AGO2: variants seen among roughly 807,000 people sequenced by gnomAD.
AGO2 encodes argonaute RISC catalytic component 2.
In AGO2, 5 loss-of-function variants were observed where a neutral mutation model predicts 102.3. That is an observed-to-expected ratio of 0.05 (90% CI 0.03 to 0.10). The LOEUF (loss-of-function observed/expected upper bound fraction) is 0.10. Among genes scored for constraint, AGO2 ranks in the 10% least tolerant of loss-of-function variants. The probability of loss-of-function intolerance (pLI) is 1.00; values close to 1 mark genes in which losing one functional copy is unlikely to be tolerated. For missense variants in AGO2, 541 were observed against 1,183.7 expected, an observed-to-expected ratio of 0.46 and a Z score of 7.97; for synonymous variants, 449 against 473.1, an observed-to-expected ratio of 0.95 and a Z score of 0.66.
chr8:140,531,653 G>C lies in AGO2; in HGVS notation c.*391C>G, dbSNP rs2072596626. 1.2e-5 allele frequency: 2 copies of C among 167,334 alleles called. No individual in the cohort carries two copies. Among genetic ancestry groups the C allele is most frequent in the Non-Finnish European group, 2.6e-5 (2 of 75,666 alleles). The allele number at this position is 167,334 out of a possible 1,614,324, so 10.4% of individuals were successfully genotyped here. A position where few individuals can be genotyped will look rare whatever the true frequency, so the allele number is the denominator to read the frequency against. ...TGCTTTCACTCTCAGAAGATTCACA[G>C]CTAGTTTGAGCCCATCAATTTCATA... On this transcript the variant is annotated 3_prime_UTR_variant, in exon 19 of 19. Transcript: ENST00000220592.
chr8:140,556,257 A>G lies in AGO2; in HGVS notation c.1056T>C (p.Cys352=). The change falls in exon 9 of 19, where the codon TGT becomes TGC. Residue 352 remains cysteine, a synonymous_variant. Coordinates refer to ENST00000220592, the MANE Select transcript of AGO2 (RefSeq NM_012154.5). The stretch of plus-strand genomic sequence containing the variant: ...TCTGATTGTCCGTTAATTTTTTAAT[A>G]CATCTTTGTCCTGCCACAATGTTAC... The part of the protein sequence containing the change: ...EVCNIVAGQR[C]IKKLTDNQTS... 1.2e-6 allele frequency: 2 copies of G among 1,614,214 alleles called. No homozygotes were observed. Among genetic ancestry groups the G allele is most frequent in the Non-Finnish European group, 1.7e-6 (2 of 1,180,038 alleles).
At chr8:140,537,713 T>C (rs923503283) in intron 16 of AGO2, among the ~76,000 whole-genome samples, 1 of 152,228 alleles carries the variant, frequency 6.6e-6, no homozygotes, top group Non-Finnish European at 1.5e-5. Context: ...AAAATGCTGT[T>C]AGTTTTTGCT....
At chr8:140,572,256 T>C (rs564757673) in intron 3 of AGO2, 3 of 152,366 alleles carry the variant, frequency 2.0e-5, no homozygotes, top group Admixed American at 6.5e-5. Context: ...TCACCATCAT[T>C]CTAATTTCAG....
intron 1 of AGO2, among the ~76,000 whole-genome samples, chr8:140,622,220 A>G (rs1185526559): frequency 2.0e-5 from 3 of 152,154 alleles, no homozygotes; most frequent in Admixed American, 1.3e-4. Context: ...GGTAGTTCCC[A>G]GGGGCTGGGT....
intron 13 of AGO2, among the ~76,000 whole-genome samples, chr8:140,546,502 C>T (rs565133727): frequency 1.5e-4 from 23 of 152,328 alleles, no homozygotes; most frequent in African/African-American, 5.1e-4. Context: ...GGCTCACCAC[C>T]GCCCACTTTC....
At chr8:140,620,875 T>A (rs561799421) in intron 1 of AGO2, among the ~76,000 whole-genome samples, 25 of 151,828 alleles carry the variant, frequency 1.6e-4, no homozygotes, top group Middle Eastern at 3.4e-3. Flanking sequence ...AAAAAAAAAA[T>A]TTTTCTCAAA....
chr8:140,598,562 G>A (rs1394888999), intron 1 of AGO2, among the ~76,000 whole-genome samples: 1 of 152,208 alleles, frequency 6.6e-6, no homozygotes, highest in South Asian at 2.1e-4. Flanking sequence ...CACTCTGCGC[G>A]GCAGCACCGC....
intron 1 of AGO2, among the ~76,000 whole-genome samples, chr8:140,613,990 T>TGGGCAACA (rs1332299920): frequency 1.7e-5 from 2 of 118,220 alleles, no homozygotes; most frequent in East Asian, 5.0e-4. Flanking sequence ...CACTCCAGCC[T>TGGGCAACA]GGGCAACAGA....
chr8:140,609,096 C>T (rs564634017), intron 1 of AGO2, among the ~76,000 whole-genome samples: 17 of 152,354 alleles, frequency 1.1e-4, no homozygotes, highest in East Asian at 1.9e-4. Flanking sequence ...AGCAGGATGC[C>T]GCCTCAGGGC....
At chr8:140,595,889 T>TG (rs1271503060) in intron 1 of AGO2, among the ~76,000 whole-genome samples, 3 of 120,778 alleles carry the variant, frequency 2.5e-5, no homozygotes, top group African/African-American at 9.8e-5. Context: ...TAATATATAA[T>TG]TATATATATT....
intron 10 of AGO2, among the ~76,000 whole-genome samples, chr8:140,553,498 C>T (rs1185266823): frequency 6.6e-6 from 1 of 151,062 alleles, no homozygotes; most frequent in Non-Finnish European, 1.5e-5. Context: ...CAACCTCTGC[C>T]TCCTGGGTTC....
Position 140,539,984 on chromosome 8 carries a change from G to A in AGO2, c.2035-530C>T, listed in dbSNP as rs1209986770. ...CACCTGTCGTAATCCCAGCTACTCCGGAGGCAGAGGCAGGAGAACTGCTTG... is the reference window on the plus strand; with the variant it reads ...CACCTGTCGTAATCCCAGCTACTCCAGAGGCAGAGGCAGGAGAACTGCTTG... On this transcript the variant is annotated intron_variant, in intron 15 of 18. Coordinates refer to ENST00000220592, the MANE Select transcript of AGO2 (RefSeq NM_012154.5). The surrounding 1 kb of genome is among the most constrained non-coding windows in gnomAD (Gnocchi z 4.7). Among the ~76,000 whole-genome samples the A allele has an allele frequency of 1.3e-5, 2 of 152,186 alleles. No individual in the cohort carries two copies. Among genetic ancestry groups the A allele is most frequent in the South Asian group, 2.1e-4 (1 of 4,834 alleles).
intron 11 of AGO2, among the ~76,000 whole-genome samples, chr8:140,549,972 T>C (rs756339646): frequency 5.3e-5 from 8 of 152,220 alleles, no homozygotes; most frequent in Non-Finnish European, 1.2e-4. Context: ...ACCCAGCCAG[T>C]GTCCAATTTC....
At chr8:140,578,285 A>G (rs192251511) in intron 2 of AGO2, among the ~76,000 whole-genome samples, 2 of 152,374 alleles carry the variant, frequency 1.3e-5, no homozygotes, top group East Asian at 1.9e-4. Flanking sequence ...CTTTCTTTGT[A>G]AAACTGTGAT....
chr8:140,626,406 G>A (rs1275058372), intron 1 of AGO2: 2 of 152,208 alleles, frequency 1.3e-5, no homozygotes. Flanking sequence ...GAGGAGGAAC[G>A]CCCGCCCTAC....
chr8:140,524,541 T>C lies in AGO2; in HGVS notation c.*7503A>G, dbSNP rs1588425308. ...CCAAGGCTGGAGGTCCACGCCTGCC[T>C]TGTGGAATGGCACAGGCTTAGTTCC... On this transcript the variant is annotated 3_prime_UTR_variant, in exon 19 of 19. Coordinates refer to ENST00000220592, the MANE Select transcript of AGO2 (RefSeq NM_012154.5). 6.6e-6 allele frequency: 1 copy of C among 152,240 alleles called. No homozygotes were observed. 9.4% of individuals were successfully genotyped at this position (152,240 alleles called of 1,614,324 possible).
intron 1 of AGO2, among the ~76,000 whole-genome samples, chr8:140,596,608 A>G (rs185139102): frequency 6.6e-6 from 1 of 152,368 alleles, no homozygotes; most frequent in Admixed American, 6.5e-5. Flanking sequence ...GCAAAATAGA[A>G]GCTTAAGATG....
chr8:140,625,176 C>T (rs2074260389), intron 1 of AGO2, among the ~76,000 whole-genome samples: 1 of 152,226 alleles, frequency 6.6e-6, no homozygotes, highest in African/African-American at 2.4e-5. Context: ...GGCTGCATCC[C>T]TCCTTTGCTG....
intron 13 of AGO2, among the ~76,000 whole-genome samples, chr8:140,546,513 C>A (rs965783300): frequency 2.6e-5 from 4 of 152,210 alleles, no homozygotes; most frequent in Non-Finnish European, 5.9e-5. Context: ...GCCCACTTTC[C>A]AAATACAGAG....
Sources: gnomAD v4.1 joint callset for allele counts (sites outside exome capture counted in the v4.1 genomes callset) on GRCh38, gnomAD v4.1.1 for gene constraint, Gnocchi (gnomAD v3.1) non-coding constraint, MANE v1.5 for transcripts, NCBI Gene and HGNC (gene_info 2026-07-23, HGNC 2026-07-21) for gene names.